Variants in DLGAP1 observed in about 807,000 individuals in gnomAD.
DLGAP1 encodes DLG associated protein 1.
In DLGAP1, 11 loss-of-function variants were observed where a neutral mutation model predicts 90.8. The observed-to-expected ratio is 0.12, with a 90% CI of 0.08 to 0.20. The LOEUF (loss-of-function observed/expected upper bound fraction) is 0.20, where lower values mean the gene tolerates loss of function less well. Among genes scored for constraint, DLGAP1 ranks in the 10% least tolerant of loss-of-function variants. The pLI is 1.00. For synonymous variants in DLGAP1, 558 were observed against 540.7 expected, an observed-to-expected ratio of 1.03 and a Z score of -0.44; for missense variants, 1,050 against 1,333.8, an observed-to-expected ratio of 0.79 and a Z score of 3.31.
intron 3 of DLGAP1, among the ~76,000 whole-genome samples, chr18:3,907,528 G>A (rs1459203393): frequency 6.6e-6 from 1 of 152,242 alleles, no homozygotes; most frequent in Non-Finnish European, 1.5e-5. Context: ...AACCTCCAGT[G>A]TAGGCTTGAT....
At chr18:4,272,028 C>A (rs186879045) in intron 1 of DLGAP1, among the ~76,000 whole-genome samples, 42 of 151,826 alleles carry the variant, frequency 2.8e-4, no homozygotes, top group African/African-American at 9.9e-4. Flanking sequence ...CCATTTTTTT[C>A]TTTCATGACT....
chr18:4,228,656 TA>T (rs2078241040), intron 1 of DLGAP1, among the ~76,000 whole-genome samples: 2 of 151,882 alleles, frequency 1.3e-5, no homozygotes, highest in East Asian at 3.9e-4. Context: ...ATAAAAACCC[TA>T]AAAAAACTGG....
chr18:4,088,183 CATT>C, intron 2 of DLGAP1, among the ~76,000 whole-genome samples: 1 of 151,628 alleles, frequency 6.6e-6, no homozygotes, highest in Non-Finnish European at 1.5e-5. Context: ...ATACTTTCAT[CATT>C]ATTTGTAGTT....
chr18:4,204,942 TC>T (rs1351114731), intron 1 of DLGAP1, among the ~76,000 whole-genome samples: 2 of 151,918 alleles, frequency 1.3e-5, no homozygotes, highest in Non-Finnish European at 2.9e-5. Context: ...TGACTCTTCT[TC>T]CCCCCAACAT....
At chr18:3,785,204 C>T (rs772126591) in intron 5 of DLGAP1, among the ~76,000 whole-genome samples, 1 of 151,856 alleles carries the variant, frequency 6.6e-6, no homozygotes, top group Non-Finnish European at 1.5e-5. Context: ...TTAGAAAACC[C>T]ACAGAGTTAT....
chr18:4,007,106 A>G (rs1251766348), intron 2 of DLGAP1, among the ~76,000 whole-genome samples: 1 of 152,220 alleles, frequency 6.6e-6, no homozygotes, highest in Non-Finnish European at 1.5e-5. Context: ...ACTCAATACA[A>G]GAATAACCCT....
chr18:3,730,939 C>T (rs906203368), intron 6 of DLGAP1, among the ~76,000 whole-genome samples: 11 of 152,068 alleles, frequency 7.2e-5, no homozygotes, highest in African/African-American at 2.7e-4. Context: ...CATGGACACA[C>T]ATTTAGAGGT....
intron 3 of DLGAP1, among the ~76,000 whole-genome samples, chr18:3,953,076 A>G (rs918991992): frequency 6.6e-6 from 1 of 152,226 alleles, no homozygotes; most frequent in Non-Finnish European, 1.5e-5. Context: ...TTCAAAAGTT[A>G]ATTGTCCTGA....
chr18:4,423,190 C>T (rs1425724981), intron 1 of DLGAP1, among the ~76,000 whole-genome samples: 1 of 152,086 alleles, frequency 6.6e-6, no homozygotes, highest in Non-Finnish European at 1.5e-5. Context: ...TATTCAGTTT[C>T]TCTGGTATTT....
intron 2 of DLGAP1, among the ~76,000 whole-genome samples, chr18:4,144,971 G>A (rs529415430): frequency 2.0e-4 from 31 of 152,108 alleles, no homozygotes; most frequent in Middle Eastern, 3.4e-3. Context: ...CTTATTTTAC[G>A]AAGAAAGTAT....
At chr18:3,922,343 G>A (rs2072285490) in intron 3 of DLGAP1, among the ~76,000 whole-genome samples, 1 of 152,168 alleles carries the variant, frequency 6.6e-6, no homozygotes, top group Non-Finnish European at 1.5e-5. Flanking sequence ...ATTAAGCCAG[G>A]CACTAGGGAT....
chr18:3,848,365 A>G (rs1225892568), intron 4 of DLGAP1, among the ~76,000 whole-genome samples: 4 of 152,110 alleles, frequency 2.6e-5, no homozygotes, highest in African/African-American at 9.7e-5. Flanking sequence ...TATTTTCTCT[A>G]TCAGAGGACA....
At chr18:3,934,254 G>T (rs894495698) in intron 3 of DLGAP1, among the ~76,000 whole-genome samples, 1 of 152,030 alleles carries the variant, frequency 6.6e-6, no homozygotes, top group Non-Finnish European at 1.5e-5. Flanking sequence ...TTCCCTAAAG[G>T]TTCTAGTTCT....
chr18:4,243,865 T>C (rs1193117826), intron 1 of DLGAP1, among the ~76,000 whole-genome samples: 1 of 152,202 alleles, frequency 6.6e-6, no homozygotes, highest in African/African-American at 2.4e-5. Context: ...AATGTCAAAA[T>C]GGCATTTAAA....
At chr18:3,931,838 A>G (rs773486767) in intron 3 of DLGAP1, among the ~76,000 whole-genome samples, 1 of 152,140 alleles carries the variant, frequency 6.6e-6, no homozygotes, top group Non-Finnish European at 1.5e-5. Flanking sequence ...TAAATATAGC[A>G]CCCAGTAAGG....
chr18:4,214,915 T>C (rs2144917780), intron 1 of DLGAP1, among the ~76,000 whole-genome samples: 1 of 152,292 alleles, frequency 6.6e-6, no homozygotes, highest in East Asian at 1.9e-4. Flanking sequence ...AATACAATTC[T>C]TGATCCAGTG....
intron 2 of DLGAP1, among the ~76,000 whole-genome samples, chr18:4,108,524 C>T (rs549850292): frequency 1.3e-4 from 17 of 130,160 alleles, no homozygotes; most frequent in Admixed American, 1.1e-3. Flanking sequence ...TTCTCCCATA[C>T]CCTGTATTAC....
intron 1 of DLGAP1, among the ~76,000 whole-genome samples, chr18:4,315,017 T>C (rs2080492573): frequency 6.6e-6 from 1 of 152,202 alleles, no homozygotes; most frequent in African/African-American, 2.4e-5. Context: ...ATTTATTACT[T>C]AGACTATTTA....
chr18:4,352,022 T>C (rs2081413290), intron 1 of DLGAP1, among the ~76,000 whole-genome samples: 1 of 152,186 alleles, frequency 6.6e-6, no homozygotes, highest in Non-Finnish European at 1.5e-5. Flanking sequence ...AAGATCATCA[T>C]GGAAGAAAAA....
Sources: gnomAD v4.1 joint callset for allele counts (sites outside exome capture counted in the v4.1 genomes callset) on GRCh38, gnomAD v4.1.1 for gene constraint, MANE v1.5 for transcripts, NCBI Gene and HGNC (gene_info 2026-07-23, HGNC 2026-07-21) for gene names.